The following SPATA17 variants were observed in gnomAD, a reference collection of about 807,000 sequenced individuals.
SPATA17 encodes spermatogenesis-associated protein 17.
A neutral mutation model predicts 62.2 loss-of-function variants in SPATA17; 53 were observed. That is an observed-to-expected ratio of 0.85 (90% CI 0.68 to 1.07). SPATA17 has a LOEUF of 1.07. Among genes scored for constraint, SPATA17 ranks in the 50% least tolerant of loss-of-function variants. The probability of loss-of-function intolerance (pLI) is 0.00; values close to 1 mark genes in which losing one functional copy is unlikely to be tolerated. For missense variants in SPATA17, 466 were observed against 425.5 expected (o/e 1.10, Z -0.84); for synonymous variants, 146 against 146.8 (o/e 0.99, Z 0.04).
rs758775038 is a variant in SPATA17 at position 217,742,004 on chromosome 1, A to G, written c.425A>G (p.Lys142Arg). 1 of 1,614,104 alleles carries G rather than the reference A, an allele frequency of 6.2e-7. No individual in the cohort carries two copies. The highest frequency in any genetic ancestry group is 8.5e-7 in the Non-Finnish European group (1 of 1,179,970). The change falls in exon 6 of 11, where the codon AAA (lysine) becomes AGA (arginine). Residue 142 changes from lysine to arginine, a missense_variant. Lys to Arg is a conservative substitution (Grantham distance 26). Transcript: ENST00000366933. ...GCACTGGAGGAGTTTGCAGAAATGA[A>G]AGAAAGAGAAGAGAAGAAGGCTAAC... is the stretch of plus-strand genomic sequence containing the variant. ...RKALEEFAEM[K>R]EREEKKANLE... is the part of the protein sequence containing the mutation.
At chr1:217,717,424 A>G (rs994892205) in intron 5 of SPATA17, among the ~76,000 whole-genome samples, 3 of 152,120 alleles carry the variant, frequency 2.0e-5, no homozygotes, top group African/African-American at 4.8e-5. Flanking sequence ...AGCCTGGACA[A>G]CATGGAGAAA....
At chr1:217,700,683 C>A (rs1671575403) in intron 5 of SPATA17, among the ~76,000 whole-genome samples, 2 of 151,476 alleles carry the variant, frequency 1.3e-5, no homozygotes, top group Admixed American at 6.6e-5. Flanking sequence ...GCCTCCCAGG[C>A]TCAAGCGAAT....
chr1:217,653,683 A>G (rs1670371063), intron 3 of SPATA17, among the ~76,000 whole-genome samples: 2 of 148,122 alleles, frequency 1.4e-5, no homozygotes, highest in Admixed American at 6.6e-5. Flanking sequence ...GTCAGATAGA[A>G]GGAAGTGTTG....
At chr1:217,728,749 C>G (rs1672330083) in intron 5 of SPATA17, among the ~76,000 whole-genome samples, 1 of 151,992 alleles carries the variant, frequency 6.6e-6, no homozygotes, top group Non-Finnish European at 1.5e-5. Flanking sequence ...AGTGGGCTGT[C>G]ATGTTATTTC....
chr1:217,809,888 T>G (rs1413439466), intron 9 of SPATA17, among the ~76,000 whole-genome samples: 1 of 144,142 alleles, frequency 6.9e-6, no homozygotes, highest in Non-Finnish European at 1.5e-5. Context: ...ATATGCTTTT[T>G]AACTATTTAT....
chr1:217,656,432 T>G (rs1670442910), intron 3 of SPATA17, among the ~76,000 whole-genome samples: 1 of 152,234 alleles, frequency 6.6e-6, no homozygotes, highest in African/African-American at 2.4e-5. Flanking sequence ...GGATCTAATT[T>G]TTTTTTGCTT....
At chr1:217,696,072 G>A (rs1020774926) in intron 5 of SPATA17, among the ~76,000 whole-genome samples, 10 of 152,184 alleles carry the variant, frequency 6.6e-5, no homozygotes, top group African/African-American at 1.7e-4. Context: ...CTGGGCAATG[G>A]CGGGCGCCCC....
intron 3 of SPATA17, among the ~76,000 whole-genome samples, chr1:217,657,877 C>A (rs1430349031): frequency 2.0e-5 from 3 of 152,116 alleles, no homozygotes; most frequent in Non-Finnish European, 4.4e-5. Flanking sequence ...ACTCACAGTT[C>A]CACATGGTTG....
intron 4 of SPATA17, among the ~76,000 whole-genome samples, chr1:217,682,570 T>C (rs532757318): frequency 6.6e-6 from 1 of 152,286 alleles, no homozygotes; most frequent in Non-Finnish European, 1.5e-5. Flanking sequence ...GAAATTTGAT[T>C]CCTGGATTCA....
intron 9 of SPATA17, among the ~76,000 whole-genome samples, chr1:217,811,764 T>G (rs1008803920): frequency 5.3e-5 from 8 of 152,168 alleles, no homozygotes; most frequent in African/African-American, 1.9e-4. Context: ...GTTAGTCATT[T>G]TATTGGCTAA....
chr1:217,790,057 T>C (rs1673962416), intron 8 of SPATA17, among the ~76,000 whole-genome samples: 1 of 151,842 alleles, frequency 6.6e-6, no homozygotes, highest in South Asian at 2.1e-4. Context: ...AAAAGTAAAA[T>C]TGGAGGTGAA....
chr1:217,757,409 T>C (rs575508765), intron 6 of SPATA17, among the ~76,000 whole-genome samples: 1 of 152,208 alleles, frequency 6.6e-6, no homozygotes, highest in Non-Finnish European at 1.5e-5. Context: ...ACTAGGCCTA[T>C]CCCTGTAAAT....
chr1:217,683,482 A>G, intron 5 of SPATA17, 121 bp downstream of exon 5: 2 of 662,166 alleles, frequency 3.0e-6, no homozygotes, highest in Non-Finnish European at 2.7e-6. Context: ...TCTGTTGCCC[A>G]GTCTGGAGTG....
intron 9 of SPATA17, among the ~76,000 whole-genome samples, chr1:217,831,101 T>G (rs1269688161): frequency 6.6e-6 from 1 of 152,092 alleles, no homozygotes; most frequent in Non-Finnish European, 1.5e-5. Flanking sequence ...CTCCTGTAAT[T>G]CCTCAGTTAG....
At chr1:217,667,544 C>T (rs1459027148) in intron 3 of SPATA17, among the ~76,000 whole-genome samples, 1 of 152,102 alleles carries the variant, frequency 6.6e-6, no homozygotes, top group African/African-American at 2.4e-5. Context: ...GACTGAGAGA[C>T]TTTCAGTAAG....
At position 217,847,958 on chromosome 1, in the gene SPATA17, G is replaced by A. The variant is rs565242315; in HGVS notation, c.1006-14816G>A. Among the ~76,000 whole-genome samples the A allele has an allele frequency of 2.6e-5, 4 of 152,124 alleles. No individual in the cohort carries two copies. The South Asian group carries it at 6.2e-4, about 24-fold the overall frequency. On this transcript the variant is annotated intron_variant, in intron 9 of 10. Transcript: ENST00000366933. ...GATGTGGGAGAATTGTTTGAGCATG[G>A]GAAGTTGAGGCTGCAGTAAGCCTTG...
chr1:217,654,902 G>A (rs1324407961), intron 3 of SPATA17, among the ~76,000 whole-genome samples: 1 of 151,868 alleles, frequency 6.6e-6, no homozygotes, highest in Non-Finnish European at 1.5e-5. Context: ...TAGTAGAGAT[G>A]GGGTTTTGCC....
chr1:217,828,639 ACAAT>A (rs1379998224), intron 9 of SPATA17, among the ~76,000 whole-genome samples: 2 of 151,944 alleles, frequency 1.3e-5, no homozygotes, highest in Admixed American at 6.6e-5. Flanking sequence ...AGCAAAGGAA[ACAAT>A]CAACAACATG....
intron 9 of SPATA17, among the ~76,000 whole-genome samples, chr1:217,861,242 G>T (rs1675891471): frequency 6.6e-6 from 1 of 151,622 alleles, no homozygotes; most frequent in East Asian, 1.9e-4. Flanking sequence ...AAAAATAAAA[G>T]GTTTTATTTC....
Sources: gnomAD v4.1 joint callset for allele counts (sites outside exome capture counted in the v4.1 genomes callset) on GRCh38, gnomAD v4.1.1 for gene constraint, MANE v1.5 for transcripts, NCBI Gene and HGNC (gene_info 2026-07-23, HGNC 2026-07-21) for gene names.